CDH23: variants seen among roughly 807,000 people sequenced by gnomAD.
The protein encoded by CDH23 is cadherin-23.
Under a neutral mutation model 317.1 loss-of-function variants are expected in CDH23, and 189 were observed. That is an observed-to-expected ratio of 0.60 (90% CI 0.53 to 0.67). The LOEUF (loss-of-function observed/expected upper bound fraction) is 0.67. CDH23 is among the 30% of genes least tolerant of loss of function. The pLI is 0.00. For missense variants in CDH23, 4,401 were observed against 4,592.4 expected (o/e 0.96, Z 1.20); for synonymous variants, 1,839 against 1,876.8 (o/e 0.98, Z 0.52).
At chr10:71,500,986 C>T (rs879428383) in intron 3 of CDH23, among the ~76,000 whole-genome samples, 1 of 152,038 alleles carries the variant, frequency 6.6e-6, no homozygotes, top group Admixed American at 6.6e-5. Flanking sequence ...TCTCCTGCCT[C>T]AGCCTCGAGT....
rs755337714 is a variant in CDH23 at position 71,732,130 on chromosome 10, G to A, written c.3859G>A (p.Asp1287Asn). Residue 1287 changes from aspartate (D) to asparagine (N), a missense_variant, in exon 32 of 70, where the codon GAC becomes AAC. Transcript: ENST00000224721. The stretch of plus-strand genomic sequence containing the variant: ...CTACATGATGAATGTGTCGGCCACT[G>A]ACCAGGCCCCGCCCTTCAACCAGGG... ...TSYMMNVSAT[D>N]QAPPFNQGFC... The A allele has an allele frequency of 1.2e-6, 2 of 1,614,010 alleles. No homozygotes were observed. The highest frequency in any genetic ancestry group is 8.5e-7 in the Non-Finnish European group (1 of 1,179,898).
chr10:71,510,949 T>C lies in CDH23; in HGVS notation c.289-5T>C. On this transcript the variant is annotated splice_region_variant and splice_polypyrimidine_tract_variant and intron_variant, in intron 4 of 69. Coordinates refer to ENST00000224721, the MANE Select transcript of CDH23 (RefSeq NM_022124.6). ...GCCCCCCTCCCTCTCTCACTTTTCT[T>C]TCAGACCAAGTCAGAGTTCACCGTG... 1 of 1,613,878 alleles carries C rather than the reference T, an allele frequency of 6.2e-7. No individual in the cohort carries two copies. Among genetic ancestry groups the C allele is most frequent in the East Asian group, 2.2e-5 (1 of 44,860 alleles).
chr10:71,675,059 C>T, intron 14 of CDH23, 53 bp from the exon 15 acceptor site: 1 of 1,539,480 alleles, frequency 6.5e-7, no homozygotes, highest in East Asian at 2.3e-5. Context: ...TCCTGTGGAC[C>T]TGAAGCCTCA....
chr10:71,803,111 G>T (rs771603484), intron 54 of CDH23, 36 bp downstream of exon 54: 1 of 1,601,846 alleles, frequency 6.2e-7, no homozygotes, highest in Non-Finnish European at 8.5e-7. Context: ...TGATGTCTTG[G>T]GGGGTGGGAG....
At chr10:71,519,825 C>A (rs1233287237) in intron 6 of CDH23, among the ~76,000 whole-genome samples, 2 of 151,536 alleles carry the variant, frequency 1.3e-5, no homozygotes, top group Non-Finnish European at 2.9e-5. Context: ...ACTCTGTCAC[C>A]CAGGCTGGAG....
chr10:71,773,063 C>T (rs1390852782), intron 38 of CDH23, among the ~76,000 whole-genome samples: 1 of 152,256 alleles, frequency 6.6e-6, no homozygotes, highest in East Asian at 1.9e-4. Flanking sequence ...CTACCTGTGC[C>T]CTGGGTTCTC....
At chr10:71,649,414 G>A (rs1035596982) in intron 14 of CDH23, among the ~76,000 whole-genome samples, 10 of 152,242 alleles carry the variant, frequency 6.6e-5, no homozygotes, top group African/African-American at 2.2e-4. Context: ...AGCGTCCCCA[G>A]CTCTCATCCT....
chr10:71,692,059 C>T (rs974948318), intron 20 of CDH23, among the ~76,000 whole-genome samples: 1 of 152,170 alleles, frequency 6.6e-6, no homozygotes, highest in Admixed American at 6.5e-5. Context: ...GAACCACATG[C>T]CCAGCACTGT....
At chr10:71,683,614 C>G (rs994726165) in intron 18 of CDH23, among the ~76,000 whole-genome samples, 6 of 152,150 alleles carry the variant, frequency 3.9e-5, no homozygotes, top group Non-Finnish European at 8.8e-5. Flanking sequence ...GATGGGAGAG[C>G]CTTCCAGTTG....
intron 1 of CDH23, among the ~76,000 whole-genome samples, chr10:71,429,517 G>A (rs1396050836): frequency 3.3e-5 from 5 of 152,182 alleles, no homozygotes; most frequent in South Asian, 2.1e-4. Context: ...GGCTGGGATC[G>A]AGAATCTGAT....
intron 6 of CDH23, among the ~76,000 whole-genome samples, chr10:71,518,362 C>T (rs1206224760): frequency 6.6e-6 from 1 of 152,174 alleles, no homozygotes; most frequent in Non-Finnish European, 1.5e-5. Flanking sequence ...TTGCCATGGC[C>T]TGCTTTTGAT....
At chr10:71,416,167 G>A (rs1848524977) in intron 1 of CDH23, among the ~76,000 whole-genome samples, 1 of 152,130 alleles carries the variant, frequency 6.6e-6, no homozygotes. Context: ...TGGGATTACA[G>A]GTGCGCACCA....
In CDH23 at chr10:71,645,725, A is replaced by T. The variant is rs41305004; in HGVS notation, c.1141-106A>T. 56,779 of 1,343,584 alleles carry T rather than the reference A, an allele frequency of 0.042. 1,498 individuals carry two copies. The highest frequency in any genetic ancestry group is 0.097 in the South Asian group (8,068 of 82,916). 83.2% of individuals were successfully genotyped at this position (1,343,584 alleles called of 1,614,324 possible). A position where few individuals can be genotyped will look rare whatever the true frequency, so the allele number is the denominator to read the frequency against. Reference sequence around the variant, plus strand: ...CAGCGCCTCATCCATTGCCCCAACCAAAGCAGCTCTGGGCTCACTCTCCAG... The same window carrying T: ...CAGCGCCTCATCCATTGCCCCAACCTAAGCAGCTCTGGGCTCACTCTCCAG... On this transcript the variant is annotated intron_variant, in intron 12 of 69. Transcript: ENST00000224721.
In CDH23 at chr10:71,527,792, C is replaced by A. The variant is rs371544254; in HGVS notation, c.429+16580C>A. On this transcript the variant is annotated intron_variant, in intron 6 of 69. Transcript: ENST00000224721. ...GATCACAAACTTTATAAGGCTTCTG[C>A]AATGCACATGAAGCACTTAGGAACA... 6.6e-5 allele frequency among the ~76,000 whole-genome samples: 10 copies of A among 152,314 alleles called. 2 individuals are homozygous for A. Among genetic ancestry groups the A allele is most frequent in the Admixed American group, 3.9e-4 (6 of 15,310 alleles).
chr10:71,495,435 G>T (rs1359863510), intron 3 of CDH23, among the ~76,000 whole-genome samples: 1 of 152,196 alleles, frequency 6.6e-6, no homozygotes, highest in Non-Finnish European at 1.5e-5. Flanking sequence ...AAGACAAGCT[G>T]GGTTGGGTCT....
At chr10:71,760,945 G>A in intron 38 of CDH23, 1 of 1,613,140 alleles carries the variant, frequency 6.2e-7, no homozygotes, top group Non-Finnish European at 8.5e-7. Context: ...AAACAGAAGG[G>A]CCATTAGGTG....
At chr10:71,580,412 G>A (rs1249892586) in intron 9 of CDH23, among the ~76,000 whole-genome samples, 1 of 152,198 alleles carries the variant, frequency 6.6e-6, no homozygotes, top group African/African-American at 2.4e-5. Context: ...GAAACTTCTG[G>A]AAGGCCTGAG....
chr10:71,756,990 A>G (rs990562513), intron 38 of CDH23, among the ~76,000 whole-genome samples: 4 of 152,260 alleles, frequency 2.6e-5, no homozygotes, highest in Non-Finnish European at 5.9e-5. Flanking sequence ...TATGCTAATT[A>G]CAAAGCAAGT....
intron 17 of CDH23, 35 bp from the exon 18 acceptor site, chr10:71,682,410 T>C (rs1389300729): frequency 6.2e-7 from 1 of 1,607,542 alleles, no homozygotes; most frequent in Non-Finnish European, 8.5e-7. Flanking sequence ...TCAAGTCTGC[T>C]TACAGAGGGA....
Sources: allele counts gnomAD v4.1 joint callset (sites outside exome capture counted in the v4.1 genomes callset), GRCh38; gene constraint gnomAD v4.1.1; transcripts MANE v1.5; gene names NCBI Gene and HGNC (gene_info 2026-07-23, HGNC 2026-07-21).